FHL1: variants seen among roughly 807,000 people sequenced by gnomAD.
FHL1 encodes the protein four and a half LIM domains 1, also known as four and a half LIM domains protein 1.
Under a neutral mutation model 20.3 loss-of-function variants are expected in FHL1, and 1 was observed. The observed-to-expected ratio is 0.05, with a 90% CI of 0.02 to 0.23. The LOEUF is 0.23. Ranked by LOEUF, FHL1 falls within the 10% of genes least tolerant of loss-of-function variation. The pLI, the probability that FHL1 is intolerant of heterozygous loss-of-function variation, is 1.00. For synonymous variants in FHL1, 82 were observed against 88.9 expected (o/e 0.92, Z 0.44); for missense variants, 177 against 234.0 (o/e 0.76, Z 1.59).
chrX:136,198,555 A>T (rs1359186667), intron 1 of FHL1, among the ~76,000 whole-genome samples: 1 of 111,854 alleles, frequency 8.9e-6, no homozygotes, highest in Non-Finnish European at 1.9e-5. Flanking sequence ...AGGTTAATAG[A>T]TTCATGAAAG....
intron 2 of FHL1, among the ~76,000 whole-genome samples, chrX:136,186,866 ATATATATAT>A (rs780340771): frequency 3.4e-4 from 24 of 70,227 alleles, no homozygotes; most frequent in African/African-American, 9.1e-4. Flanking sequence ...AAAAAAAAAA[ATATATATAT>A]ATATATAGAT....
At position 136,208,898 on chromosome X, in the gene FHL1, G is replaced by A. The variant is rs962389065; in HGVS notation, c.736+257G>A. Among the ~76,000 whole-genome samples, 5 of 99,098 alleles carry A rather than the reference G, an allele frequency of 5.0e-5. No individual in the cohort carries two copies. The East Asian group carries it at 1.0e-3, about 20-fold the overall frequency. The allele number at this position is 99,098 out of a possible 115,157, so 86.1% of individuals were successfully genotyped here. A position where few individuals can be genotyped will look rare whatever the true frequency, so the allele number is the denominator to read the frequency against. ...AGCCTGAGACCTGCCAGCCAACACC[G>A]GCAGGCACTGCCACTTTGCAGGGGG... On this transcript the variant is annotated intron_variant, in intron 5 of 5. Transcript: ENST00000370683.
chrX:136,186,531 A>G (rs1179088572), intron 2 of FHL1, among the ~76,000 whole-genome samples: 1 of 110,772 alleles, frequency 9.0e-6, no homozygotes, highest in Non-Finnish European at 1.9e-5. Context: ...CTAACTTACT[A>G]CTGTTTTTAG....
chrX:136,206,818 A>G (rs770050012), intron 2 of FHL1, among the ~76,000 whole-genome samples, 198 bp from the exon 3 acceptor site: 7 of 112,959 alleles, frequency 6.2e-5, no homozygotes, highest in Non-Finnish European at 1.3e-4. Context: ...ATTGCATTCT[A>G]AATATTTCAA....
At chrX:136,196,908 C>A, upstream of FHL1, 1 of 1,121,908 alleles carries the variant, frequency 8.9e-7, no homozygotes, top group Non-Finnish European at 1.2e-6. Flanking sequence ...TCCTATTCTT[C>A]TCCCTTGGAT....
chrX:136,195,258 G>A (rs150213522), upstream of FHL1, among the ~76,000 whole-genome samples: 2,214 of 112,329 alleles, frequency 0.02, 44 homozygotes, highest in African/African-American at 0.066. Context: ...GAAAGTATTT[G>A]GCACACCAAG....
intron 2 of FHL1, among the ~76,000 whole-genome samples, chrX:136,174,830 T>C (rs1292874992): frequency 8.9e-6 from 1 of 112,033 alleles, no homozygotes; most frequent in Non-Finnish European, 1.9e-5. Flanking sequence ...TTAGAGCTTT[T>C]AATTTTAGGA....
chrX:136,204,507 A>G (rs2073792609), intron 1 of FHL1, among the ~76,000 whole-genome samples: 1 of 112,646 alleles, frequency 8.9e-6, no homozygotes, highest in Non-Finnish European at 1.9e-5. Flanking sequence ...AACCCATTAT[A>G]TAAAGAAACA....
chrX:136,162,122 C>CAAAA (rs745946778), intron 1 of FHL1, among the ~76,000 whole-genome samples: 836 of 48,209 alleles, frequency 0.017, 38 homozygotes, highest in East Asian at 0.025. Flanking sequence ...GACCCTGTCT[C>CAAAA]AAAAAAAAAA....
At chrX:136,158,910 C>T (rs1326175285) in intron 1 of FHL1, among the ~76,000 whole-genome samples, 2 of 111,064 alleles carry the variant, frequency 1.8e-5, no homozygotes, top group Non-Finnish European at 3.8e-5. Flanking sequence ...TTAAAGAACC[C>T]ATTCAACATT....
rs1157535648 is a variant in FHL1, at chrX:136,159,330, C to T, written c.-100-10577C>T. 2.7e-5 allele frequency among the ~76,000 whole-genome samples: 3 copies of T among 110,540 alleles called. No homozygotes were observed. In the South Asian group the frequency reaches 1.2e-3, roughly 43 times the overall value. On this transcript the variant is annotated intron_variant, in intron 1 of 7. Coordinates refer to the FHL1 transcript ENST00000394155. The stretch of plus-strand genomic sequence containing the variant: ...GCTGAGGTGGGTGGATCACTTAAGG[C>T]CAGGAGTTTGAGACCAGCCTGGCCA...
chrX:136,206,728 A>C, intron 2 of FHL1, 140 bp downstream of exon 2: 1 of 838,252 alleles, frequency 1.2e-6, no homozygotes, highest in Non-Finnish European at 1.7e-6. Context: ...AGCCTCCTCC[A>C]CTCCCCAGGC....
chrX:136,206,090 T>C (rs1164955783), intron 1 of FHL1: 4 of 370,213 alleles, frequency 1.1e-5, no homozygotes, highest in Non-Finnish European at 1.9e-5. Flanking sequence ...CAACACAGGC[T>C]CTGATCCACT....
intron 2 of FHL1, among the ~76,000 whole-genome samples, chrX:136,176,223 G>A (rs1282730148): frequency 8.9e-6 from 1 of 112,361 alleles, no homozygotes; most frequent in Non-Finnish European, 1.9e-5. Flanking sequence ...TCCACTTAAG[G>A]AACATCTTAA....
At chrX:136,209,158 C>T in intron 5 of FHL1, 1 of 960,400 alleles carries the variant, frequency 1.0e-6, no homozygotes. Context: ...TCCACGTGCC[C>T]TGGGCCCTTT....
At chrX:136,153,175 ATTTAC>A (rs1384002448) in intron 1 of FHL1, among the ~76,000 whole-genome samples, 1 of 109,619 alleles carries the variant, frequency 9.1e-6, no homozygotes, top group Non-Finnish European at 1.9e-5. Context: ...ACAACTAAAT[ATTTAC>A]TTTAAGTTTT....
chrX:136,209,175 C>T lies in FHL1; in HGVS notation c.736+534C>T, dbSNP rs1007536702. 3.2e-5 allele frequency: 35 copies of T among 1,084,287 alleles called. No homozygotes were observed. In the Middle Eastern group the frequency reaches 1.1e-3, roughly 33 times the overall value. 89.4% of individuals were successfully genotyped at this position (1,084,287 alleles called of 1,213,427 possible). On this transcript the variant is annotated intron_variant, in intron 5 of 5. Coordinates refer to ENST00000370683, the MANE Select transcript of FHL1 (RefSeq NM_001159699.2). The stretch of plus-strand genomic sequence containing the variant: ...CACGTGCCCTGGGCCCTTTCCCTTG[C>T]CTCCAATTTTCCCATCTTCCCGGGG...
At chrX:136,191,105 C>G in intron 2 of FHL1, among the ~76,000 whole-genome samples, 1 of 111,703 alleles carries the variant, frequency 9.0e-6, no homozygotes, top group South Asian at 3.8e-4. Flanking sequence ...GACCACACAC[C>G]AACAGGATCA....
intron 1 of FHL1, among the ~76,000 whole-genome samples, chrX:136,198,866 A>G (rs1223388793): frequency 9.0e-6 from 1 of 111,671 alleles, no homozygotes; most frequent in Non-Finnish European, 1.9e-5. Context: ...ACAGCCATCG[A>G]TTCCCTTCAC....
Sources: allele counts gnomAD v4.1 joint callset (sites outside exome capture counted in the v4.1 genomes callset), GRCh38; gene constraint gnomAD v4.1.1; transcripts MANE v1.5; gene names NCBI Gene and HGNC (gene_info 2026-07-23, HGNC 2026-07-21).